LIMS4: variants seen among roughly 807,000 people sequenced by gnomAD.
LIMS4 encodes LIM and senescent cell antigen-like-containing domain protein 4.
chr2:110,387,017 A>G, the LIMS4 span: 1 of 585,112 alleles, frequency 1.7e-6, no homozygotes, highest in Non-Finnish European at 3.0e-6. Context: ...ACAGTTGCAG[A>G]GCCTTGAAAC....
the LIMS4 span, chr2:110,397,281 G>A: frequency 7.5e-6 from 1 of 133,910 alleles, no homozygotes; most frequent in Non-Finnish European, 1.6e-5. Context: ...TTATTTAACT[G>A]AGAGTCATAC....
chr2:110,382,151 A>G, the LIMS4 span, among the ~76,000 whole-genome samples: 1 of 99,568 alleles, frequency 1.0e-5, no homozygotes, highest in Non-Finnish European at 1.9e-5. Flanking sequence ...ATATATATAT[A>G]CATGTTTGAA....
At chr2:110,366,659 C>G in the LIMS4 span, among the ~76,000 whole-genome samples, 3 of 152,116 alleles carry the variant, frequency 2.0e-5, no homozygotes, top group African/African-American at 7.3e-5. Flanking sequence ...TCCCATCACT[C>G]CTATTTAACA....
chr2:110,386,601 G>A, the LIMS4 span: 1 of 636,208 alleles, frequency 1.6e-6, no homozygotes, highest in Non-Finnish European at 2.7e-6. Context: ...CTTAGGTGTG[G>A]TGCTCCAGCG....
the LIMS4 span, among the ~76,000 whole-genome samples, chr2:110,382,106 T>A: frequency 0.048 from 790 of 16,380 alleles, 13 homozygotes; most frequent in Middle Eastern, 0.083. Context: ...AAAATATATA[T>A]ATATATATAT....
chr2:110,371,278 G>T, the LIMS4 span, among the ~76,000 whole-genome samples: 29 of 120,556 alleles, frequency 2.4e-4, no homozygotes, highest in Non-Finnish European at 4.0e-4. Context: ...GCATAATGAT[G>T]ATTTTCATCT....
chr2:110,423,308 CTGAG>C, the LIMS4 span, among the ~76,000 whole-genome samples: 1 of 100,206 alleles, frequency 1.0e-5, no homozygotes, highest in South Asian at 3.7e-4. Context: ...GCGCGCCTCA[CTGAG>C]TGAGAATGGC....
the LIMS4 span, among the ~76,000 whole-genome samples, chr2:110,411,342 G>C: frequency 7.3e-6 from 1 of 137,256 alleles, no homozygotes. Context: ...ATTTTAGGTA[G>C]AAAATGCCTC....
Position 110,447,515 on chromosome 2 carries a change from C to T in LIMS4, c.974-355G>A, listed in dbSNP as rs1257580389. Among the ~76,000 whole-genome samples, 119 of 15,628 alleles carry T rather than the reference C, an allele frequency of 7.6e-3. 18 individuals carry two copies. In the East Asian group the frequency reaches 0.11, roughly 15 times the overall value. The allele number at this position is 15,628 out of a possible 152,430, so 10.3% of individuals were successfully genotyped here. A position where few individuals can be genotyped will look rare whatever the true frequency, so the allele number is the denominator to read the frequency against. On this transcript the variant is annotated intron_variant, in intron 8 of 9. Transcript: ENST00000632897. Reference sequence around the variant, plus strand: ...CTGTTGCCAGGCTGGAGTGCAGTGGCGCAATCACAGCTCACTGCAACCTCC... The same window carrying T: ...CTGTTGCCAGGCTGGAGTGCAGTGGTGCAATCACAGCTCACTGCAACCTCC...
chr2:110,397,506 T>G, the LIMS4 span: 1 of 106,718 alleles, frequency 9.4e-6, no homozygotes, highest in Non-Finnish European at 1.9e-5. Flanking sequence ...TACCACCAGT[T>G]GAAGTCATAG....
chr2:110,419,213 A>C, the LIMS4 span, among the ~76,000 whole-genome samples: 46 of 141,640 alleles, frequency 3.2e-4, 1 homozygote, highest in East Asian at 8.2e-4. Flanking sequence ...TGGAGAGAGC[A>C]AGAAAGTTCC....
chr2:110,379,112 C>A, the LIMS4 span, among the ~76,000 whole-genome samples: 1 of 149,686 alleles, frequency 6.7e-6, no homozygotes, highest in East Asian at 1.9e-4. Context: ...TTAATGTTGG[C>A]CCACTAAACA....
At chr2:110,361,135 G>A in the LIMS4 span, 1,724 of 954,856 alleles carry the variant, frequency 1.8e-3, 79 homozygotes, top group Non-Finnish European at 2.1e-3. Flanking sequence ...CATTGATGGC[G>A]TCTATCATTT....
At chr2:110,424,658 A>G in the LIMS4 span, among the ~76,000 whole-genome samples, 1 of 144,158 alleles carries the variant, frequency 6.9e-6, no homozygotes, top group African/African-American at 2.8e-5. Flanking sequence ...GTGCTAGGCC[A>G]AGCCAGTGGC....
chr2:110,442,484 AC>A (rs1367476576), downstream of LIMS4, among the ~76,000 whole-genome samples: 2 of 69,500 alleles, frequency 2.9e-5, no homozygotes, highest in Non-Finnish European at 5.4e-5. Flanking sequence ...AAGCCCACTC[AC>A]CCCCCACCCC....
At chr2:110,425,111 G>GGGAA in the LIMS4 span, among the ~76,000 whole-genome samples, 2 of 142,322 alleles carry the variant, frequency 1.4e-5, 1 homozygote, top group Admixed American at 1.4e-4. Context: ...CAAGGTCCAT[G>GGGAA]GCTTCATTCT....
At chr2:110,442,793 G>A (rs1441020968), downstream of LIMS4, among the ~76,000 whole-genome samples, 3 of 149,404 alleles carry the variant, frequency 2.0e-5, no homozygotes, top group Admixed American at 6.6e-5. Context: ...CTGCCTCCTG[G>A]TTTCAAGCAA....
the LIMS4 span, among the ~76,000 whole-genome samples, chr2:110,407,558 G>T: frequency 8.2e-6 from 1 of 121,234 alleles, no homozygotes; most frequent in Admixed American, 8.4e-5. Flanking sequence ...TTACTCATTT[G>T]TCTGATCTTA....
At chr2:110,425,253 G>T in the LIMS4 span, among the ~76,000 whole-genome samples, 341 of 142,952 alleles carry the variant, frequency 2.4e-3, 7 homozygotes, top group African/African-American at 8.9e-3. Context: ...TGGGCATGGT[G>T]GCAAACCTAT....
Sources: allele counts gnomAD v4.1 joint callset (sites outside exome capture counted in the v4.1 genomes callset), GRCh38; gene constraint gnomAD v4.1.1; transcripts MANE v1.5; gene names NCBI Gene and HGNC (gene_info 2026-07-23, HGNC 2026-07-21).